Variants in ASXL2 observed in about 807,000 individuals in gnomAD.
ASXL2 encodes the protein ASXL transcriptional regulator 2.
ASXL2 carries 23 observed loss-of-function variants against 122.0 expected under a neutral mutation model. That is an observed-to-expected ratio of 0.19 (90% CI 0.14 to 0.27). The LOEUF (loss-of-function observed/expected upper bound fraction) is 0.27, where lower values mean the gene tolerates loss of function less well. Ranked by LOEUF, ASXL2 falls within the 10% of genes least tolerant of loss-of-function variation. The pLI is 1.00. For missense variants in ASXL2, 1,518 were observed against 1,713.8 expected, an observed-to-expected ratio of 0.89 and a Z score of 2.02; for synonymous variants, 650 against 637.0, an observed-to-expected ratio of 1.02 and a Z score of -0.31.
intron 10 of ASXL2, among the ~76,000 whole-genome samples, 167 bp downstream of exon 10, chr2:25,755,851 T>C (rs191338523): frequency 1.3e-5 from 2 of 152,374 alleles, no homozygotes; most frequent in East Asian, 1.9e-4. Flanking sequence ...CCTGGTAACA[T>C]AGGCTCTAGA....
intron 8 of ASXL2, among the ~76,000 whole-genome samples, chr2:25,762,849 T>G (rs138250629): frequency 6.6e-6 from 1 of 151,994 alleles, no homozygotes; most frequent in Non-Finnish European, 1.5e-5. Flanking sequence ...GCTAGTTATA[T>G]GCTATTTAGA....
Position 25,742,725 on chromosome 2 carries a change from A to C in ASXL2, c.3612T>G (p.Ser1204Arg). The change falls in exon 13 of 13, where the codon AGT (serine) becomes AGG (arginine). Residue 1204 changes from serine to arginine, a missense_variant. By Grantham distance (110) the Ser-to-Arg change is moderately radical. This residue lies in a region of ASXL2 where 831 missense variants were observed against 833.1 expected (regional missense o/e 1.00). Transcript: ENST00000435504. Reference sequence around the variant, plus strand: ...CTGAACTTGTGTCACCCTTGCCAGCACTCTGGGAAACCTGGGGCTCCTCTT... The same window carrying C: ...CTGAACTTGTGTCACCCTTGCCAGCCCTCTGGGAAACCTGGGGCTCCTCTT... Reference protein sequence around the residue: ...TVKEEPQVSQSAGKGDTSSGP... With the variant: ...TVKEEPQVSQRAGKGDTSSGP... The C allele has an allele frequency of 6.2e-7, 1 of 1,613,774 alleles. No homozygotes were observed. Among genetic ancestry groups the C allele is most frequent in the Non-Finnish European group, 8.5e-7 (1 of 1,179,832 alleles).
chr2:25,851,866 C>T (rs77540486), intron 1 of ASXL2, among the ~76,000 whole-genome samples: 1,724 of 151,952 alleles, frequency 0.011, 16 homozygotes, highest in Non-Finnish European at 0.018. Flanking sequence ...ACTCCAGCCT[C>T]GGTGACACAA....
At position 25,753,658 on chromosome 2, in the gene ASXL2, AG is replaced by A. The variant is rs1559501414; in HGVS notation, c.1037-20del. The A allele has an allele frequency of 6.4e-7, 1 of 1,562,060 alleles. No individual in the cohort carries two copies. Among genetic ancestry groups the A allele is most frequent in the Non-Finnish European group, 8.8e-7 (1 of 1,142,102 alleles). ...AACTCACCTGCAATGTACCCAAAAAAGGATATTCAATAGAAAAATGCTATTT... is the reference window on the plus strand; with the variant it reads ...AACTCACCTGCAATGTACCCAAAAAAGATATTCAATAGAAAAATGCTATTT... On this transcript the variant is annotated intron_variant, in intron 10 of 12. Coordinates refer to ENST00000435504, the MANE Select transcript of ASXL2 (RefSeq NM_018263.6).
At position 25,738,539 on chromosome 2, in the gene ASXL2, C is replaced by G. The variant is rs961498271; in HGVS notation, c.*3490G>C. On this transcript the variant is annotated 3_prime_UTR_variant, in exon 13 of 13. Transcript: ENST00000435504. Reference sequence around the variant, plus strand: ...ACCTCTAGGTCAAAGAGAAAACACTCTGGCACTGCTCACTGATAGTGAGTT... The same window carrying G: ...ACCTCTAGGTCAAAGAGAAAACACTGTGGCACTGCTCACTGATAGTGAGTT... The G allele has an allele frequency of 1.3e-5, 2 of 152,162 alleles. No homozygotes were observed. The highest frequency in any genetic ancestry group is 4.8e-5 in the African/African-American group (2 of 41,424). The allele number at this position is 152,162 out of a possible 1,614,324, so 9.4% of individuals were successfully genotyped here. A position where few individuals can be genotyped will look rare whatever the true frequency, so the allele number is the denominator to read the frequency against.
intron 1 of ASXL2, among the ~76,000 whole-genome samples, chr2:25,877,679 CA>C (rs1036094929): frequency 1.3e-5 from 2 of 152,222 alleles, no homozygotes; most frequent in African/African-American, 4.8e-5. Flanking sequence ...GCCAGACAAA[CA>C]GGGGGCCCGG....
intron 8 of ASXL2, among the ~76,000 whole-genome samples, chr2:25,764,539 T>A (rs1178440714): frequency 6.6e-6 from 1 of 152,230 alleles, no homozygotes; most frequent in Non-Finnish European, 1.5e-5. Flanking sequence ...ACATGCAGCC[T>A]GTGGTGGGTT....
At chr2:25,758,473 G>C (rs1329459334) in intron 9 of ASXL2, among the ~76,000 whole-genome samples, 1 of 152,078 alleles carries the variant, frequency 6.6e-6, no homozygotes, top group Non-Finnish European at 1.5e-5. Flanking sequence ...AGTGAAGAAA[G>C]CTTAAAAAAT....
chr2:25,817,112 ACT>A (rs1468712959), intron 3 of ASXL2, among the ~76,000 whole-genome samples: 1 of 151,986 alleles, frequency 6.6e-6, no homozygotes, highest in Non-Finnish European at 1.5e-5. Context: ...GCAGAGCAAG[ACT>A]CTGTCTCAAA....
chr2:25,830,825 AAG>A (rs1387208677), intron 3 of ASXL2: 12 of 152,164 alleles, frequency 7.9e-5, no homozygotes, highest in East Asian at 1.9e-4. Context: ...TGAAATCAGT[AAG>A]AGAGTGGAGA....
rs2087848858 is a variant in ASXL2 at position 25,742,502 on chromosome 2, C to T, written c.3835G>A (p.Gly1279Ser). The T allele has an allele frequency of 6.2e-7, 1 of 1,613,778 alleles. No homozygotes were observed. Among genetic ancestry groups the T allele is most frequent in the Admixed American group, 1.7e-5 (1 of 59,994 alleles). The change falls in exon 13 of 13, where the codon GGT becomes AGT. Residue 1279 changes from glycine (G) to serine (S), a missense_variant. By Grantham distance (56) the Gly-to-Ser change is moderately conservative (BLOSUM62 0). Around this residue, in one of 8 missense-constraint regions of ASXL2, gnomAD observed 831 missense variants for 833.1 expected, o/e 1.00. Coordinates refer to ENST00000435504, the MANE Select transcript of ASXL2 (RefSeq NM_018263.6). ...TCGGGGCTGCTACGGATTGCCTTAC[C>T]TCTCACTGCATGAGCCATCTGCTTC... Reference protein sequence around the residue: ...AQKQMAHAVRGKAIRSSPELF... With the variant: ...AQKQMAHAVRSKAIRSSPELF...
intron 5 of ASXL2, among the ~76,000 whole-genome samples, chr2:25,780,856 G>T (rs1422483827): frequency 6.6e-6 from 1 of 151,306 alleles, no homozygotes; most frequent in African/African-American, 2.4e-5. Flanking sequence ...GGGAGGCCGA[G>T]GTGGGCGGAT....
intron 1 of ASXL2, among the ~76,000 whole-genome samples, chr2:25,854,562 C>A (rs1395596510): frequency 6.6e-6 from 1 of 152,226 alleles, no homozygotes; most frequent in Non-Finnish European, 1.5e-5. Flanking sequence ...CCAACCACTT[C>A]GGTGGCTCTG....
intron 6 of ASXL2, among the ~76,000 whole-genome samples, chr2:25,770,735 A>G (rs1475611583): frequency 6.6e-6 from 1 of 152,134 alleles, no homozygotes. Flanking sequence ...AAAAAAGACA[A>G]AAAGAAAGAA....
rs1261170944 is a variant in ASXL2, at chr2:25,740,902, A to C, written c.*1127T>G. 2 of 191,808 alleles carry C rather than the reference A, an allele frequency of 1.0e-5. No homozygotes were observed. Among genetic ancestry groups the C allele is most frequent in the African/African-American group, 4.6e-5 (2 of 43,102 alleles). 11.9% of individuals were successfully genotyped at this position (191,808 alleles called of 1,614,324 possible). ...CCTGTTCAGATGCCTGGGAGGTCAA[A>C]ACAGGTTGAACAGAATGAACAAATG... On this transcript the variant is annotated 3_prime_UTR_variant, in exon 13 of 13. Coordinates refer to ENST00000435504, the MANE Select transcript of ASXL2 (RefSeq NM_018263.6).
At chr2:25,840,618 T>C (rs2089568645) in intron 2 of ASXL2, among the ~76,000 whole-genome samples, 1 of 152,236 alleles carries the variant, frequency 6.6e-6, no homozygotes, top group East Asian at 1.9e-4. Flanking sequence ...TGGAGTCATA[T>C]ATTTGTCTTT....
At chr2:25,815,924 CAACACAGGAGAAT>C (rs1008196309) in intron 3 of ASXL2, among the ~76,000 whole-genome samples, 1 of 152,088 alleles carries the variant, frequency 6.6e-6, no homozygotes, top group African/African-American at 2.4e-5. Flanking sequence ...AAAAGAACAA[CAACACAGGAGAAT>C]ATTCACAGGT....
intron 1 of ASXL2, among the ~76,000 whole-genome samples, chr2:25,855,622 T>C (rs1035496439): frequency 2.8e-4 from 43 of 152,060 alleles, no homozygotes; most frequent in Admixed American, 2.6e-3. Context: ...GCTGAGATCA[T>C]GCCACTGCAC....
At chr2:25,782,134 T>C (rs1574413851) in intron 5 of ASXL2, among the ~76,000 whole-genome samples, 1 of 152,092 alleles carries the variant, frequency 6.6e-6, no homozygotes, top group Non-Finnish European at 1.5e-5. Flanking sequence ...CTGATTCTTT[T>C]GTGTTTGTCA....
Sources: allele counts gnomAD v4.1 joint callset (sites outside exome capture counted in the v4.1 genomes callset), GRCh38; gene constraint gnomAD v4.1.1; regional missense constraint gnomAD v4.1.1; transcripts MANE v1.5; gene names NCBI Gene and HGNC (gene_info 2026-07-23, HGNC 2026-07-21).